The following TBC1D4 variants were observed in gnomAD, a reference collection of about 807,000 sequenced individuals.
The protein encoded by TBC1D4 is TBC1 domain family member 4.
TBC1D4 carries 121 observed loss-of-function variants against 142.5 expected under a neutral mutation model. That is an observed-to-expected ratio of 0.85 (90% CI 0.73 to 0.99). The LOEUF (loss-of-function observed/expected upper bound fraction) is 0.99, where lower values mean the gene tolerates loss of function less well. Ranked by LOEUF, TBC1D4 falls within the 50% of genes least tolerant of loss-of-function variation. TBC1D4 has a pLI of 0.00. For missense variants in TBC1D4, 1,475 were observed against 1,606.6 expected, an observed-to-expected ratio of 0.92 and a Z score of 1.40; for synonymous variants, 630 against 628.2, an observed-to-expected ratio of 1.00 and a Z score of -0.04.
At chr13:75,475,310 T>TA in intron 1 of TBC1D4, among the ~76,000 whole-genome samples, 1 of 152,320 alleles carries the variant, frequency 6.6e-6, no homozygotes, top group South Asian at 2.1e-4. Flanking sequence ...AATATACTAT[T>TA]ACATTAAATC....
chr13:75,285,126 ATTAACT>A lies in TBC1D4; in HGVS notation c.*1660_*1665del, dbSNP rs1261652134. On this transcript the variant is annotated 3_prime_UTR_variant, in exon 21 of 21. Transcript: ENST00000377636. Reference sequence around the variant, plus strand: ...GCATTTTCTAGAACTTAGAAGTTACATTAACTTTATTAATAAGATTTTATTGTCTTT... The same window carrying A: ...GCATTTTCTAGAACTTAGAAGTTACATTATTAATAAGATTTTATTGTCTTT... 6.6e-6 allele frequency: 1 copy of A among 152,218 alleles called. No individual in the cohort carries two copies. The highest frequency in any genetic ancestry group is 1.5e-5 in the Non-Finnish European group (1 of 68,040). 9.4% of individuals were successfully genotyped at this position (152,218 alleles called of 1,614,324 possible).
chr13:75,303,896 A>G (rs1212461620), intron 15 of TBC1D4, among the ~76,000 whole-genome samples: 2 of 152,056 alleles, frequency 1.3e-5, no homozygotes, highest in Admixed American at 1.3e-4. Flanking sequence ...TTGACTTCCC[A>G]TTGTACGTCT....
At chr13:75,455,151 C>T (rs1237799917) in intron 1 of TBC1D4, among the ~76,000 whole-genome samples, 1 of 152,098 alleles carries the variant, frequency 6.6e-6, no homozygotes, top group African/African-American at 2.4e-5. Context: ...ACTGGAGAAC[C>T]TTCATCCACC....
intron 15 of TBC1D4, among the ~76,000 whole-genome samples, chr13:75,303,903 G>A (rs934385709): frequency 3.4e-4 from 52 of 151,920 alleles, no homozygotes; most frequent in Admixed American, 2.4e-3. Flanking sequence ...CCCATTGTAC[G>A]TCTATTCATC....
chr13:75,427,850 A>G (rs1405434125), intron 1 of TBC1D4, among the ~76,000 whole-genome samples: 1 of 152,226 alleles, frequency 6.6e-6, no homozygotes, highest in Non-Finnish European at 1.5e-5. Flanking sequence ...TATGTTGCTT[A>G]TAAGAACAAA....
intron 13 of TBC1D4, 116 bp from the exon 14 acceptor site, chr13:75,310,267 T>G: frequency 9.4e-7 from 1 of 1,058,298 alleles, no homozygotes; most frequent in Non-Finnish European, 1.4e-6. Flanking sequence ...ACAAAGCCGC[T>G]TTCCCTGTAA....
intron 1 of TBC1D4, among the ~76,000 whole-genome samples, chr13:75,390,568 C>T (rs916208256): frequency 6.6e-6 from 1 of 152,028 alleles, no homozygotes; most frequent in African/African-American, 2.4e-5. Flanking sequence ...ATGGCAGCCC[C>T]AGAGTTAAAA....
rs1332829021 is a variant in TBC1D4 at position 75,309,955 on chromosome 13, G to C, written c.2580C>G (p.Asn860Lys). ...AAAATGGCTAACCTTCAAGTTTCTG[G>C]TTTTCTTTTTCCATTCGAAGTAACA... ...QILLLRMEKENQKLEASRDEL... is the reference protein window; with the variant it reads ...QILLLRMEKEKQKLEASRDEL... The change falls in exon 14 of 21, where the codon AAC becomes AAG. Residue 860 changes from asparagine (N) to lysine (K), a missense_variant. By Grantham distance (94) the Asn-to-Lys change is moderately conservative. This residue lies in a region of TBC1D4 where 1,227 missense variants were observed against 1,267.7 expected (regional missense o/e 0.97). Coordinates refer to ENST00000377636, the MANE Select transcript of TBC1D4 (RefSeq NM_014832.5). 6.2e-7 allele frequency: 1 copy of C among 1,614,060 alleles called. No individual in the cohort carries two copies. The highest frequency in any genetic ancestry group is 1.1e-5 in the South Asian group (1 of 91,068).
rs544495222 is a variant in TBC1D4 at position 75,417,931 on chromosome 13, G to A, written c.499-55324C>T. ...CACATAATCTTCCACATTTGTCAAC[G>A]TGGTAATGATACTACCACCACCATA... On this transcript the variant is annotated intron_variant, in intron 1 of 20. Coordinates refer to ENST00000377636, the MANE Select transcript of TBC1D4 (RefSeq NM_014832.5). Among the ~76,000 whole-genome samples, 31 of 152,238 alleles carry A rather than the reference G, an allele frequency of 2.0e-4. No homozygotes were observed. In the South Asian group the frequency reaches 5.8e-3, roughly 29 times the overall value.
At position 75,296,226 on chromosome 13, in the gene TBC1D4, T is replaced by A. The variant is rs1425200616; in HGVS notation, c.3157-1213A>T. Among the ~76,000 whole-genome samples, 6 of 151,924 alleles carry A rather than the reference T, an allele frequency of 3.9e-5. No homozygotes were observed. In the South Asian group the frequency reaches 1.2e-3, roughly 32 times the overall value. ...CAAAGTTTTTTTTTAATGAGATTAT[T>A]ATCTCAAAAAATCATGTTGAAAAAA... On this transcript the variant is annotated intron_variant, in intron 17 of 20. Coordinates refer to ENST00000377636, the MANE Select transcript of TBC1D4 (RefSeq NM_014832.5).
intron 1 of TBC1D4, among the ~76,000 whole-genome samples, chr13:75,471,165 A>G (rs906189501): frequency 6.6e-6 from 1 of 151,910 alleles, no homozygotes; most frequent in Middle Eastern, 3.2e-3. Flanking sequence ...AAATATATAT[A>G]TATATATCTC....
chr13:75,416,492 T>G (rs1885923027), intron 1 of TBC1D4, among the ~76,000 whole-genome samples: 1 of 152,120 alleles, frequency 6.6e-6, no homozygotes. Context: ...ATCAGCCCCC[T>G]CTCATTTCCA....
chr13:75,357,251 T>C (rs1281585615), intron 3 of TBC1D4, among the ~76,000 whole-genome samples: 1 of 152,036 alleles, frequency 6.6e-6, no homozygotes, highest in Non-Finnish European at 1.5e-5. Flanking sequence ...CCAATGGAAA[T>C]AGAAAAAGGA....
intron 1 of TBC1D4, among the ~76,000 whole-genome samples, chr13:75,472,356 T>C (rs1441764392): frequency 6.6e-6 from 1 of 151,824 alleles, no homozygotes; most frequent in Non-Finnish European, 1.5e-5. Context: ...GAGGCGGAGG[T>C]TGCAGTGAGC....
At chr13:75,302,142 G>T in intron 16 of TBC1D4, 101 bp downstream of exon 16, 1 of 1,438,564 alleles carries the variant, frequency 7.0e-7, no homozygotes, top group Non-Finnish European at 9.7e-7. Context: ...TATGCCAACA[G>T]GTGCTCTTTA....
At chr13:75,398,665 G>A (rs907795162) in intron 1 of TBC1D4, among the ~76,000 whole-genome samples, 3 of 152,148 alleles carry the variant, frequency 2.0e-5, no homozygotes, top group Admixed American at 6.5e-5. Context: ...GACCCAAAAC[G>A]TTATGGGTCC....
Position 75,359,822 on chromosome 13 carries a change from T to A in TBC1D4, c.1117A>T (p.Thr373Ser). 1.9e-6 allele frequency: 3 copies of A among 1,613,716 alleles called. No individual in the cohort carries two copies. The highest frequency in any genetic ancestry group is 2.5e-6 in the Non-Finnish European group (3 of 1,179,768). The change falls in exon 3 of 21, where the codon ACT becomes TCT. Residue 373 changes from threonine (T) to serine (S), a missense_variant. Physicochemically the swap from Thr to Ser is moderately conservative, Grantham distance 58. Transcript: ENST00000377636. ...TTCTTTTCTAGCACAACTGATTTAG[T>A]GTCTGGACTGATAAGGTTAATCTCA... ...RFEINLISPD[T>S]KSVVLEKNFK...
chr13:75,328,077 G>C (rs561325087), intron 8 of TBC1D4, among the ~76,000 whole-genome samples: 1 of 152,034 alleles, frequency 6.6e-6, no homozygotes, highest in African/African-American at 2.4e-5. Flanking sequence ...AGTTAGTTTG[G>C]TTACAAGATT....
At chr13:75,437,061 G>T (rs375808523) in intron 1 of TBC1D4, among the ~76,000 whole-genome samples, 1 of 152,230 alleles carries the variant, frequency 6.6e-6, no homozygotes, top group Non-Finnish European at 1.5e-5. Flanking sequence ...AAATGTCAAG[G>T]CAATGAGAGA....
Sources: gnomAD v4.1 joint callset for allele counts (sites outside exome capture counted in the v4.1 genomes callset) on GRCh38, gnomAD v4.1.1 for gene constraint, gnomAD v4.1.1 regional missense constraint, MANE v1.5 for transcripts, NCBI Gene and HGNC (gene_info 2026-07-23, HGNC 2026-07-21) for gene names.